The following NPAS3 variants were observed in gnomAD, a reference collection of about 807,000 sequenced individuals.
NPAS3 encodes the protein neuronal PAS domain protein 3, also known as neuronal PAS domain-containing protein 3.
NPAS3 carries 14 observed loss-of-function variants against 73.1 expected under a neutral mutation model. That is an observed-to-expected ratio of 0.19 (90% CI 0.13 to 0.30). NPAS3 has a LOEUF of 0.30. Ranked by LOEUF, NPAS3 falls within the 10% of genes least tolerant of loss-of-function variation. The pLI, the probability that NPAS3 is intolerant of heterozygous loss-of-function variation, is 1.00. For missense variants in NPAS3, 1,096 were observed against 1,250.0 expected, an observed-to-expected ratio of 0.88 and a Z score of 1.86; for synonymous variants, 620 against 541.5, an observed-to-expected ratio of 1.14 and a Z score of -2.01.
At chr14:33,665,364 C>A (rs1178653192) in intron 5 of NPAS3, among the ~76,000 whole-genome samples, 2 of 152,032 alleles carry the variant, frequency 1.3e-5, no homozygotes, top group Non-Finnish European at 2.9e-5. Context: ...TTGATGGGTG[C>A]AGCAAACCAC....
intron 1 of NPAS3, among the ~76,000 whole-genome samples, chr14:33,018,751 T>C (rs914802050): frequency 6.6e-6 from 1 of 152,208 alleles, no homozygotes; most frequent in Non-Finnish European, 1.5e-5. Flanking sequence ...CTGAATTCAT[T>C]AGGTTACAAG....
Position 33,800,014 on chromosome 14 carries a change from G to T in NPAS3, c.1707G>T (p.Leu569=). ...TGGAGAGCGAGTCGGACCTGCGGCT[G>T]CAGAACTGCGAGTCACTCACGTCCG... is the stretch of plus-strand genomic sequence containing the variant. The change falls in exon 12 of 12, where the codon CTG becomes CTT. Residue 569 remains leucine, a synonymous_variant. Transcript: ENST00000356141. This position sits in a 1 kb window ranked among gnomAD's most constrained non-coding sequence, Gnocchi z 6.5. 6.2e-7 allele frequency: 1 copy of T among 1,611,766 alleles called. No individual in the cohort carries two copies.
intron 4 of NPAS3, among the ~76,000 whole-genome samples, chr14:33,463,772 T>C (rs2050380825): frequency 6.6e-6 from 1 of 152,222 alleles, no homozygotes; most frequent in Non-Finnish European, 1.5e-5. Flanking sequence ...AGTGGAATAA[T>C]TGATATTTCA....
rs1299156602 is a variant in NPAS3 at position 33,290,238 on chromosome 14, AC to A, written c.385+74813del. 2.0e-5 allele frequency among the ~76,000 whole-genome samples: 3 copies of A among 152,250 alleles called. No homozygotes were observed. The East Asian group carries it at 5.8e-4, about 29-fold the overall frequency. ...GTTCAGATTATCAATATAAACCAAA[AC>A]TCTAGAAAATAGACACTAGAGATAT... On this transcript the variant is annotated intron_variant, in intron 3 of 11. Transcript: ENST00000356141.
intron 1 of NPAS3, among the ~76,000 whole-genome samples, chr14:33,034,606 A>C (rs958676402): frequency 6.6e-6 from 1 of 152,050 alleles, no homozygotes; most frequent in Non-Finnish European, 1.5e-5. Context: ...CATAATAGAA[A>C]ATAGAATATA....
At chr14:33,311,421 AT>A (rs1271424095) in intron 3 of NPAS3, among the ~76,000 whole-genome samples, 2 of 152,154 alleles carry the variant, frequency 1.3e-5, no homozygotes, top group Non-Finnish European at 2.9e-5. Flanking sequence ...CTTGTGGAAT[AT>A]TAAGTACAAC....
intron 5 of NPAS3, among the ~76,000 whole-genome samples, chr14:33,576,824 T>C (rs1460262981): frequency 1.3e-5 from 2 of 152,180 alleles, no homozygotes; most frequent in Non-Finnish European, 2.9e-5. Flanking sequence ...TCACTTATTA[T>C]AGCATGTTTA....
upstream of NPAS3, among the ~76,000 whole-genome samples, chr14:32,938,444 T>A (rs1446187224): frequency 2.5e-5 from 2 of 80,328 alleles, no homozygotes; most frequent in Non-Finnish European, 4.7e-5. Context: ...AGCCTCCCAG[T>A]CCCCCAACGA....
At chr14:33,674,988 C>A (rs1446111671) in intron 5 of NPAS3, among the ~76,000 whole-genome samples, 1 of 152,078 alleles carries the variant, frequency 6.6e-6, no homozygotes, top group South Asian at 2.1e-4. Context: ...AGGGTGCAGG[C>A]ACGCAGGTGG....
chr14:33,686,078 G>T (rs551313937), intron 6 of NPAS3, among the ~76,000 whole-genome samples: 76 of 152,332 alleles, frequency 5.0e-4, no homozygotes, highest in African/African-American at 1.7e-3. Flanking sequence ...AATAAATATG[G>T]TAAAGAAATC....
intron 5 of NPAS3, among the ~76,000 whole-genome samples, chr14:33,635,252 G>A (rs893038516): frequency 1.4e-4 from 22 of 152,204 alleles, no homozygotes; most frequent in African/African-American, 5.1e-4. Context: ...TCACATCTGA[G>A]AATTAGCAGA....
At chr14:33,771,877 G>A (rs1253651696) in intron 7 of NPAS3, among the ~76,000 whole-genome samples, 1 of 152,132 alleles carries the variant, frequency 6.6e-6, no homozygotes, top group East Asian at 1.9e-4. Flanking sequence ...ATGCACACAG[G>A]TATAACTAAG....
At chr14:33,769,496 T>C (rs762512032) in intron 7 of NPAS3, among the ~76,000 whole-genome samples, 2 of 152,244 alleles carry the variant, frequency 1.3e-5, no homozygotes, top group Non-Finnish European at 2.9e-5. Flanking sequence ...CCATTGATTG[T>C]ACTGCCATCT....
intron 4 of NPAS3, among the ~76,000 whole-genome samples, chr14:33,416,606 T>C (rs1003240738): frequency 2.0e-5 from 3 of 152,016 alleles, no homozygotes; most frequent in African/African-American, 7.2e-5. Context: ...ATAGATTTTG[T>C]TCTATTGGCT....
intron 6 of NPAS3, among the ~76,000 whole-genome samples, chr14:33,734,442 C>G (rs1429356542): frequency 6.6e-6 from 1 of 152,146 alleles, no homozygotes; most frequent in Non-Finnish European, 1.5e-5. Context: ...AAACATTCTA[C>G]TTAGTCTAAA....
At chr14:32,989,181 C>G (rs180715313) in intron 1 of NPAS3, among the ~76,000 whole-genome samples, 9 of 152,178 alleles carry the variant, frequency 5.9e-5, no homozygotes, top group African/African-American at 1.9e-4. Context: ...AGCAAGGAAC[C>G]CTTTAAGTCT....
chr14:33,487,576 G>A (rs904327510), intron 4 of NPAS3, among the ~76,000 whole-genome samples: 1 of 152,182 alleles, frequency 6.6e-6, no homozygotes, highest in African/African-American at 2.4e-5. Flanking sequence ...CAATATGAGT[G>A]TACTGAGAAT....
intron 4 of NPAS3, among the ~76,000 whole-genome samples, chr14:33,498,935 AGTGTGTGT>A (rs3058422): frequency 0.056 from 5,323 of 94,732 alleles, 246 homozygotes; most frequent in African/African-American, 0.18. Context: ...ACAGAGAGAG[AGTGTGTGT>A]GTGTGTGTGT....
chr14:33,308,898 T>G (rs951142839), intron 3 of NPAS3, among the ~76,000 whole-genome samples: 1 of 152,182 alleles, frequency 6.6e-6, no homozygotes, highest in African/African-American at 2.4e-5. Flanking sequence ...AAAGTTTTTA[T>G]TATATATAGC....
Sources: gnomAD v4.1 joint callset for allele counts (sites outside exome capture counted in the v4.1 genomes callset) on GRCh38, gnomAD v4.1.1 for gene constraint, Gnocchi (gnomAD v3.1) non-coding constraint, MANE v1.5 for transcripts, NCBI Gene and HGNC (gene_info 2026-07-23, HGNC 2026-07-21) for gene names.